The following CSMD1 variants were observed in gnomAD, a reference collection of about 807,000 sequenced individuals.
The protein encoded by CSMD1 is CUB and sushi domain-containing protein 1.
A neutral mutation model predicts 417.5 loss-of-function variants in CSMD1; 213 were observed. The observed-to-expected ratio is 0.51, with a 90% CI of 0.46 to 0.57. CSMD1 has a LOEUF of 0.57. Among genes scored for constraint, CSMD1 ranks in the 20% least tolerant of loss-of-function variants. The probability of loss-of-function intolerance (pLI) is 0.00; values close to 1 mark genes in which losing one functional copy is unlikely to be tolerated. For missense variants in CSMD1, 6,923 were observed against 4,529.7 expected (o/e 1.53, Z -15.17); for synonymous variants, 2,862 against 1,736.8 (o/e 1.65, Z -16.11).
At chr8:4,388,491 G>T (rs1239502811) in intron 3 of CSMD1, among the ~76,000 whole-genome samples, 2 of 151,658 alleles carry the variant, frequency 1.3e-5, no homozygotes, top group East Asian at 3.9e-4. Flanking sequence ...TGATATGTGG[G>T]AGGTAAGTTG....
intron 45 of CSMD1, 29 bp downstream of exon 45, chr8:3,107,689 T>G (rs1340106594): frequency 3.1e-6 from 4 of 1,309,942 alleles, no homozygotes; most frequent in Non-Finnish European, 4.4e-6. Flanking sequence ...CGTGCTGAAT[T>G]CATGGTATTG....
chr8:4,292,411 C>G (rs1202183020), intron 3 of CSMD1, among the ~76,000 whole-genome samples: 3 of 152,146 alleles, frequency 2.0e-5, no homozygotes, highest in East Asian at 3.9e-4. Flanking sequence ...CGCCACCACG[C>G]CCGGCTAATT....
chr8:4,762,763 T>C (rs1812200361), intron 1 of CSMD1, among the ~76,000 whole-genome samples: 1 of 152,026 alleles, frequency 6.6e-6, no homozygotes, highest in African/African-American at 2.4e-5. Flanking sequence ...GCAGCCTGAA[T>C]CTCCTCTGAG....
intron 25 of CSMD1, among the ~76,000 whole-genome samples, chr8:3,290,779 A>G (rs181632531): frequency 0.027 from 3,981 of 147,914 alleles, 118 homozygotes; most frequent in Non-Finnish European, 0.042. Context: ...CAACAGGGAC[A>G]ATTTGACTTC....
At chr8:4,230,828 G>T (rs558067302) in intron 3 of CSMD1, among the ~76,000 whole-genome samples, 1 of 152,092 alleles carries the variant, frequency 6.6e-6, no homozygotes, top group African/African-American at 2.4e-5. Flanking sequence ...GTGTCACAAT[G>T]TATTTTTTGT....
At chr8:4,533,561 C>T (rs1320137238) in intron 2 of CSMD1, among the ~76,000 whole-genome samples, 2 of 151,742 alleles carry the variant, frequency 1.3e-5, no homozygotes, top group Non-Finnish European at 2.9e-5. Flanking sequence ...ATTTTTTTTT[C>T]AGTTTACCTA....
intron 1 of CSMD1, among the ~76,000 whole-genome samples, chr8:4,873,446 C>T (rs1411041568): frequency 1.3e-5 from 2 of 152,062 alleles, no homozygotes; most frequent in Admixed American, 1.3e-4. Context: ...AGAGAATATT[C>T]CCTTCTTGAG....
intron 41 of CSMD1, among the ~76,000 whole-genome samples, chr8:3,135,249 T>C (rs1008497268): frequency 6.6e-6 from 1 of 152,224 alleles, no homozygotes; most frequent in African/African-American, 2.4e-5. Context: ...ATAATACTTC[T>C]GCAGAAGCAC....
At chr8:4,259,900 G>C (rs186314570) in intron 3 of CSMD1, among the ~76,000 whole-genome samples, 2 of 152,228 alleles carry the variant, frequency 1.3e-5, no homozygotes, top group Admixed American at 6.5e-5. Flanking sequence ...CTACCGCATA[G>C]TCTCTTCTGT....
At chr8:4,643,372 G>A (rs1284725987) in intron 1 of CSMD1, among the ~76,000 whole-genome samples, 1 of 152,136 alleles carries the variant, frequency 6.6e-6, no homozygotes, top group Non-Finnish European at 1.5e-5. Flanking sequence ...TTTCTGACAG[G>A]CAGATTTTTG....
At chr8:4,716,740 C>T (rs1487996053) in intron 1 of CSMD1, among the ~76,000 whole-genome samples, 1 of 152,112 alleles carries the variant, frequency 6.6e-6, no homozygotes, top group Non-Finnish European at 1.5e-5. Context: ...TGAGAATTAA[C>T]TAAAAACTGA....
At chr8:4,137,905 T>G (rs1215565665) in intron 3 of CSMD1, among the ~76,000 whole-genome samples, 2 of 151,898 alleles carry the variant, frequency 1.3e-5, no homozygotes, top group East Asian at 3.9e-4. Flanking sequence ...TGAGATGAAG[T>G]CTCGCTCTGT....
At chr8:4,309,687 T>C (rs1798451706) in intron 3 of CSMD1, among the ~76,000 whole-genome samples, 1 of 152,160 alleles carries the variant, frequency 6.6e-6, no homozygotes, top group Non-Finnish European at 1.5e-5. Flanking sequence ...ACACATTTTT[T>C]TAGATTTTAC....
chr8:3,868,192 G>A (rs941686528), intron 5 of CSMD1, among the ~76,000 whole-genome samples: 2 of 151,448 alleles, frequency 1.3e-5, no homozygotes, highest in Admixed American at 6.6e-5. Context: ...TGGTGCAGTT[G>A]GATGTACTGC....
chr8:4,513,024 A>G (rs1015451863), intron 2 of CSMD1, among the ~76,000 whole-genome samples: 14 of 152,348 alleles, frequency 9.2e-5, no homozygotes, highest in African/African-American at 3.4e-4. Context: ...TAAGCAGAGC[A>G]CAGATAATTA....
At position 3,994,934 on chromosome 8, in the gene CSMD1, C is replaced by T. The variant is rs191808931; in HGVS notation, c.818+2969G>A. 6.0e-3 allele frequency among the ~76,000 whole-genome samples: 909 copies of T among 152,218 alleles called. 7 individuals are homozygous for T. Among genetic ancestry groups the T allele is most frequent in the Non-Finnish European group, 0.01 (710 of 68,018 alleles). On this transcript the variant is annotated intron_variant, in intron 5 of 69. Coordinates refer to ENST00000635120, the MANE Select transcript of CSMD1 (RefSeq NM_033225.6). ...TATTGGAAGATCATATGTGTATCTG[C>T]CCTCACTCCACTCACAGTCACTCGC... is the stretch of plus-strand genomic sequence containing the variant.
At chr8:4,245,534 G>A (rs1802652274) in intron 3 of CSMD1, among the ~76,000 whole-genome samples, 1 of 152,288 alleles carries the variant, frequency 6.6e-6, no homozygotes, top group Non-Finnish European at 1.5e-5. Context: ...GTCTCTCCAT[G>A]CTGGGATGCT....
chr8:3,463,199 C>A (rs751512588), intron 12 of CSMD1, among the ~76,000 whole-genome samples: 1 of 152,190 alleles, frequency 6.6e-6, no homozygotes, highest in Non-Finnish European at 1.5e-5. Flanking sequence ...ACTGTTCAAC[C>A]TCTCCCTCCA....
chr8:3,533,568 C>A (rs761358969), intron 10 of CSMD1, among the ~76,000 whole-genome samples: 2 of 152,194 alleles, frequency 1.3e-5, no homozygotes, highest in Non-Finnish European at 2.9e-5. Flanking sequence ...CAGGTTCACA[C>A]ACTGCTGTTG....
Sources: gnomAD v4.1 joint callset for allele counts (sites outside exome capture counted in the v4.1 genomes callset) on GRCh38, gnomAD v4.1.1 for gene constraint, MANE v1.5 for transcripts, NCBI Gene and HGNC (gene_info 2026-07-23, HGNC 2026-07-21) for gene names.